Variants in EVI5 observed in about 807,000 individuals in gnomAD.
EVI5 encodes the protein ecotropic viral integration site 5 protein homolog.
A neutral mutation model predicts 112.0 loss-of-function variants in EVI5; 73 were observed. The observed-to-expected ratio is 0.65, with a 90% CI of 0.54 to 0.79. The LOEUF (loss-of-function observed/expected upper bound fraction) is 0.79. EVI5 is among the 30% of genes least tolerant of loss of function. EVI5 has a pLI of 0.00. For missense variants in EVI5, 900 were observed against 968.8 expected (o/e 0.93, Z 0.94); for synonymous variants, 305 against 319.9 (o/e 0.95, Z 0.50).
At chr1:92,593,425 T>A (rs1366013637) in intron 18 of EVI5, among the ~76,000 whole-genome samples, 1 of 152,178 alleles carries the variant, frequency 6.6e-6, no homozygotes, top group Non-Finnish European at 1.5e-5. Context: ...TATCTCAAAA[T>A]AATTAGAGCT....
intron 19 of EVI5, among the ~76,000 whole-genome samples, chr1:92,561,167 G>A (rs554342967): frequency 4.6e-5 from 7 of 152,034 alleles, no homozygotes; most frequent in Non-Finnish European, 1.0e-4. Flanking sequence ...ATATTTTTAT[G>A]GTAAGCATTT....
At chr1:92,784,089 A>C (rs985874794) in intron 1 of EVI5, among the ~76,000 whole-genome samples, 16 of 152,214 alleles carry the variant, frequency 1.1e-4, no homozygotes, top group Admixed American at 4.6e-4. Flanking sequence ...AGCAATAGAT[A>C]GGAGGAAAGC....
At chr1:92,535,108 C>T (rs994146303) in intron 19 of EVI5, among the ~76,000 whole-genome samples, 2 of 151,630 alleles carry the variant, frequency 1.3e-5, no homozygotes, top group South Asian at 2.1e-4. Flanking sequence ...AAAAAGTGGA[C>T]GAAGGATATG....
chr1:92,784,625 A>AGGGCTGCGGGCTGC (rs67055146), intron 1 of EVI5: 1 of 300,660 alleles, frequency 3.3e-6, no homozygotes, highest in Non-Finnish European at 4.9e-6. Flanking sequence ...CACGAGAAGG[A>AGGGCTGCGGGCTGC]GGGCTGCGGG....
intron 18 of EVI5, among the ~76,000 whole-genome samples, chr1:92,588,308 T>C (rs894726152): frequency 3.9e-5 from 6 of 152,202 alleles, no homozygotes; most frequent in Non-Finnish European, 7.3e-5. Context: ...TCCTACATAA[T>C]TGGCTCTATT....
intron 2 of EVI5, among the ~76,000 whole-genome samples, chr1:92,719,635 A>G (rs1674398787): frequency 6.6e-6 from 1 of 152,064 alleles, no homozygotes; most frequent in African/African-American, 2.4e-5. Flanking sequence ...GAAAACCGGC[A>G]CAAGACAGGG....
At chr1:92,667,620 A>G (rs940775581) in intron 10 of EVI5, among the ~76,000 whole-genome samples, 1 of 151,990 alleles carries the variant, frequency 6.6e-6, no homozygotes, top group Non-Finnish European at 1.5e-5. Flanking sequence ...TTATCTTTTC[A>G]TTTTCAAATT....
chr1:92,527,690 C>T (rs1394903955), intron 19 of EVI5, among the ~76,000 whole-genome samples: 1 of 152,168 alleles, frequency 6.6e-6, no homozygotes, highest in East Asian at 1.9e-4. Context: ...TACCATCACA[C>T]AATAGTTTTG....
At chr1:92,639,907 T>C (rs754755634) in intron 13 of EVI5, among the ~76,000 whole-genome samples, 1 of 152,186 alleles carries the variant, frequency 6.6e-6, no homozygotes, top group African/African-American at 2.4e-5. Context: ...ATGGTACTGG[T>C]ACCAAAAAGA....
At chr1:92,585,926 T>C (rs553233316) in intron 18 of EVI5, among the ~76,000 whole-genome samples, 8 of 152,216 alleles carry the variant, frequency 5.3e-5, no homozygotes, top group African/African-American at 1.9e-4. Flanking sequence ...CTTAGGTTCC[T>C]TTTGGCTGTG....
chr1:92,681,129 C>T (rs1322975434), intron 9 of EVI5, among the ~76,000 whole-genome samples: 3 of 151,960 alleles, frequency 2.0e-5, no homozygotes, highest in East Asian at 1.9e-4. Flanking sequence ...TGGTTTTTGC[C>T]GTTGAAAGTA....
chr1:92,615,162 C>G (rs1007008619), intron 16 of EVI5, among the ~76,000 whole-genome samples: 2 of 152,190 alleles, frequency 1.3e-5, no homozygotes, highest in East Asian at 3.9e-4. Context: ...TCCTGATTTA[C>G]TATTTGTGAG....
chr1:92,596,345 G>C (rs1417605196), intron 18 of EVI5, among the ~76,000 whole-genome samples: 2 of 152,112 alleles, frequency 1.3e-5, no homozygotes, highest in Non-Finnish European at 2.9e-5. Flanking sequence ...GGATGACGAA[G>C]TGAGACCCTG....
intron 10 of EVI5, 117 bp downstream of exon 10, chr1:92,677,041 A>G (rs1572242192): frequency 1.5e-6 from 1 of 675,744 alleles, no homozygotes; most frequent in Non-Finnish European, 2.5e-6. Context: ...ATTTTTAACT[A>G]TAATCTAGTA....
chr1:92,543,448 T>C (rs1467699082), intron 19 of EVI5, among the ~76,000 whole-genome samples: 2 of 152,250 alleles, frequency 1.3e-5, no homozygotes, highest in Admixed American at 6.5e-5. Context: ...GTGGCTGGCT[T>C]GATCTTCTAT....
At chr1:92,520,464 G>C (rs1328944883) in intron 19 of EVI5, among the ~76,000 whole-genome samples, 1 of 152,116 alleles carries the variant, frequency 6.6e-6, no homozygotes, top group Non-Finnish European at 1.5e-5. Flanking sequence ...TTAGTAGCAT[G>C]GTGGGATAAA....
In EVI5 at chr1:92,697,972, T is replaced by C. The variant is rs200747400; in HGVS notation, c.653A>G (p.Glu218Gly). 1.9e-6 allele frequency: 3 copies of C among 1,611,174 alleles called. No homozygotes were observed. The highest frequency in any genetic ancestry group is 2.5e-6 in the Non-Finnish European group (3 of 1,178,926). The part of the protein sequence containing the change: ...GLLLMQMPEE[E>G]AFCVFVKLMQ... ...TAATTTAACAAATACACAGAAAGCT[T>C]CTTCTTCTGGCATCTACATTGGAAG... Residue 218 changes from glutamate to glycine, a missense_variant, in exon 6 of 20, where the codon GAA (glutamate) becomes GGA (glycine). Coordinates refer to ENST00000684568, the MANE Select transcript of EVI5 (RefSeq NM_001350197.2).
intron 17 of EVI5, among the ~76,000 whole-genome samples, chr1:92,606,734 C>T (rs1461526216): frequency 1.3e-5 from 2 of 152,160 alleles, no homozygotes; most frequent in Non-Finnish European, 2.9e-5. Context: ...AGTCTTATTT[C>T]TTATACAATA....
chr1:92,516,497 C>A (rs779979132), intron 19 of EVI5, among the ~76,000 whole-genome samples: 2 of 152,216 alleles, frequency 1.3e-5, no homozygotes, highest in African/African-American at 4.8e-5. Flanking sequence ...TGAAGGTAAG[C>A]GACTATGTGG....
Sources: allele counts gnomAD v4.1 joint callset (sites outside exome capture counted in the v4.1 genomes callset), GRCh38; gene constraint gnomAD v4.1.1; transcripts MANE v1.5; gene names NCBI Gene and HGNC (gene_info 2026-07-23, HGNC 2026-07-21).